The following NUBPL variants were observed in gnomAD, a reference collection of about 807,000 sequenced individuals.
NUBPL encodes NUBP iron-sulfur cluster assembly factor, mitochondrial.
A neutral mutation model predicts 45.7 loss-of-function variants in NUBPL; 31 were observed. That is an observed-to-expected ratio of 0.68 (90% confidence interval 0.51 to 0.92). The LOEUF is 0.92. Among genes scored for constraint, NUBPL ranks in the 40% least tolerant of loss-of-function variants. NUBPL has a pLI of 0.00. For synonymous variants in NUBPL, 144 were observed against 140.9 expected (o/e 1.02, Z -0.15); for missense variants, 401 against 398.7 (o/e 1.01, Z -0.05).
At chr14:31,851,028 A>T (rs1262906206) in intron 10 of NUBPL, among the ~76,000 whole-genome samples, 1 of 152,210 alleles carries the variant, frequency 6.6e-6, no homozygotes, top group Non-Finnish European at 1.5e-5. Context: ...GATATAGTTG[A>T]TAGATTTTCA....
intron 4 of NUBPL, among the ~76,000 whole-genome samples, chr14:31,670,099 AGT>A (rs1368358880): frequency 6.6e-6 from 1 of 152,104 alleles, no homozygotes; most frequent in East Asian, 1.9e-4. Context: ...CTCCATCACC[AGT>A]GTGTAGGTGT....
intron 7 of NUBPL, among the ~76,000 whole-genome samples, chr14:31,793,292 C>T (rs576663183): frequency 2.5e-4 from 38 of 152,250 alleles, no homozygotes; most frequent in African/African-American, 9.1e-4. Context: ...AGTTGATCCT[C>T]ACTTAGAATG....
chr14:31,683,876 A>G (rs920109564), intron 6 of NUBPL, among the ~76,000 whole-genome samples: 1 of 151,972 alleles, frequency 6.6e-6, no homozygotes, highest in Non-Finnish European at 1.5e-5. Flanking sequence ...TTGAGTTGAC[A>G]TTTTAAATTC....
At chr14:31,693,340 C>G (rs193250332) in intron 6 of NUBPL, among the ~76,000 whole-genome samples, 128 of 152,164 alleles carry the variant, frequency 8.4e-4, no homozygotes, top group Non-Finnish European at 1.6e-3. Flanking sequence ...TTCAGACGAC[C>G]TTCTTTGTAG....
intron 7 of NUBPL, among the ~76,000 whole-genome samples, chr14:31,811,417 T>C (rs1595664894): frequency 6.6e-6 from 1 of 152,338 alleles, no homozygotes; most frequent in East Asian, 1.9e-4. Context: ...AATCGGCTAC[T>C]GAAGCTTGTG....
At chr14:31,738,132 A>G (rs2038202951) in intron 6 of NUBPL, among the ~76,000 whole-genome samples, 1 of 152,222 alleles carries the variant, frequency 6.6e-6, no homozygotes, top group African/African-American at 2.4e-5. Flanking sequence ...ATAACTCAAC[A>G]TATTCTGCAC....
At chr14:31,719,793 A>T (rs2037769270) in intron 6 of NUBPL, among the ~76,000 whole-genome samples, 1 of 152,212 alleles carries the variant, frequency 6.6e-6, no homozygotes, top group Admixed American at 6.5e-5. Context: ...TTTTTGGCAT[A>T]TTCTTTCAAT....
intron 4 of NUBPL, among the ~76,000 whole-genome samples, chr14:31,645,030 T>C (rs1307581486): frequency 6.6e-6 from 1 of 151,948 alleles, no homozygotes; most frequent in Non-Finnish European, 1.5e-5. Flanking sequence ...TTTCAGTTTA[T>C]GTGTGTCTTT....
chr14:31,643,567 A>T (rs923609206), intron 4 of NUBPL, among the ~76,000 whole-genome samples: 3 of 151,452 alleles, frequency 2.0e-5, no homozygotes, highest in Admixed American at 6.6e-5. Flanking sequence ...TTTGTTGAGG[A>T]TTTTTGCATC....
At chr14:31,587,795 A>G (rs1410614444) in intron 3 of NUBPL, among the ~76,000 whole-genome samples, 2 of 152,214 alleles carry the variant, frequency 1.3e-5, no homozygotes, top group Non-Finnish European at 2.9e-5. Context: ...TAAACTATAC[A>G]TGGTTCCTGC....
chr14:31,562,178 T>G lies in NUBPL; in HGVS notation c.219T>G (p.Ala73=). The part of the protein sequence containing the change: ...IEGVKQVIVV[A]SGKGGVGKST... ...GTGTTAAACAAGTTATAGTTGTGGC[T>G]TCTGGAAAGGGTGGAGTCGGAAAAT... Residue 73 remains alanine (A), a synonymous_variant, in exon 2 of 11, where the codon GCT becomes GCG. Coordinates refer to ENST00000281081, the MANE Select transcript of NUBPL (RefSeq NM_025152.3). 6.2e-7 allele frequency: 1 copy of G among 1,614,114 alleles called. No individual in the cohort carries two copies. Among genetic ancestry groups the G allele is most frequent in the Non-Finnish European group, 8.5e-7 (1 of 1,179,972 alleles).
chr14:31,772,815 T>G (rs2039031718), intron 6 of NUBPL, among the ~76,000 whole-genome samples: 1 of 152,174 alleles, frequency 6.6e-6, no homozygotes, highest in Non-Finnish European at 1.5e-5. Context: ...GCTGTTACTT[T>G]TTGAACTCAT....
At position 31,742,769 on chromosome 14, in the gene NUBPL, ATT is replaced by A. The variant is rs34130229; in HGVS notation, c.514-44995_514-44994del. Among the ~76,000 whole-genome samples the A allele has an allele frequency of 7.1e-3, 971 of 136,326 alleles. 11 individuals are homozygous for A. Among genetic ancestry groups the A allele is most frequent in the African/African-American group, 0.024 (897 of 37,038 alleles). The allele number at this position is 136,326 out of a possible 152,430, so 89.4% of individuals were successfully genotyped here. A position where few individuals can be genotyped will look rare whatever the true frequency, so the allele number is the denominator to read the frequency against. ...CAGGTGTGTGCCACCAACCCAGCTGATTTTTTTTTTTTTTTTTGGTAGAGGTG... is the reference window on the plus strand; with the variant it reads ...CAGGTGTGTGCCACCAACCCAGCTGATTTTTTTTTTTTTTTGGTAGAGGTG... On this transcript the variant is annotated intron_variant, in intron 6 of 10. Coordinates refer to ENST00000281081, the MANE Select transcript of NUBPL (RefSeq NM_025152.3).
At chr14:31,849,063 T>C (rs17098216) in intron 9 of NUBPL, among the ~76,000 whole-genome samples, 9,830 of 152,266 alleles carry the variant, frequency 0.065, 934 homozygotes, top group African/African-American at 0.21. Context: ...TATCATGTAT[T>C]TGTCATTTGG....
intron 7 of NUBPL, among the ~76,000 whole-genome samples, chr14:31,805,120 T>G (rs2039660968): frequency 6.6e-6 from 1 of 151,998 alleles, no homozygotes; most frequent in Admixed American, 6.6e-5. Context: ...CAGACACTTT[T>G]CAAAAGAAGG....
At chr14:31,810,744 A>G (rs1039722627) in intron 7 of NUBPL, among the ~76,000 whole-genome samples, 2 of 152,178 alleles carry the variant, frequency 1.3e-5, no homozygotes, top group Non-Finnish European at 2.9e-5. Context: ...ATGTTTTTGC[A>G]GTGGCTGGTA....
intron 7 of NUBPL, among the ~76,000 whole-genome samples, chr14:31,789,664 T>G (rs991979330): frequency 1.3e-5 from 2 of 152,132 alleles, no homozygotes; most frequent in Non-Finnish European, 2.9e-5. Flanking sequence ...ATATACTGAT[T>G]ACCAAACAAT....
chr14:31,839,260 T>C (rs1191667249), intron 8 of NUBPL, among the ~76,000 whole-genome samples: 1 of 152,100 alleles, frequency 6.6e-6, no homozygotes, highest in Admixed American at 6.5e-5. Flanking sequence ...AAAGCAAACA[T>C]ACCCACTGTT....
intron 6 of NUBPL, among the ~76,000 whole-genome samples, chr14:31,726,464 A>G (rs1595549359): frequency 1.3e-5 from 2 of 152,360 alleles, no homozygotes; most frequent in South Asian, 2.1e-4. Flanking sequence ...ATGCTCTATC[A>G]GTGGAACTGT....
Sources: gnomAD v4.1 joint callset for allele counts (sites outside exome capture counted in the v4.1 genomes callset) on GRCh38, gnomAD v4.1.1 for gene constraint, MANE v1.5 for transcripts, NCBI Gene and HGNC (gene_info 2026-07-23, HGNC 2026-07-21) for gene names.